Variants in ZNF626 observed in about 807,000 individuals in gnomAD.
ZNF626 encodes zinc finger protein 626.
ZNF626 carries 4 observed loss-of-function variants against 11.7 expected under a neutral mutation model. The ratio of observed to expected loss-of-function variants is 0.34; its 90% confidence interval spans 0.17 to 0.78. The LOEUF (loss-of-function observed/expected upper bound fraction) is 0.78. ZNF626 is among the 30% of genes least tolerant of loss of function. The pLI is 0.57. For missense variants in ZNF626, 588 were observed against 587.1 expected, an observed-to-expected ratio of 1.00 and a Z score of -0.01; for synonymous variants, 179 against 198.6, an observed-to-expected ratio of 0.90 and a Z score of 0.83.
At chr19:20,639,704 T>G (rs1970003183) in intron 3 of ZNF626, among the ~76,000 whole-genome samples, 1 of 152,226 alleles carries the variant, frequency 6.6e-6, no homozygotes, top group South Asian at 2.1e-4. Context: ...GCCACTGCAC[T>G]TCACACGAGG....
chr19:20,653,409 G>A (rs1365354520), intron 1 of ZNF626, among the ~76,000 whole-genome samples: 2 of 152,118 alleles, frequency 1.3e-5, no homozygotes, highest in African/African-American at 4.8e-5. Context: ...AGAATTTCCA[G>A]CACCATGTCA....
intron 3 of ZNF626, among the ~76,000 whole-genome samples, chr19:20,628,433 C>T (rs1297268908): frequency 2.0e-5 from 3 of 152,152 alleles, no homozygotes; most frequent in South Asian, 4.1e-4. Context: ...ACATCCTCTC[C>T]AGCACCTGTT....
chr19:20,630,513 T>C (rs1242332345), intron 3 of ZNF626, among the ~76,000 whole-genome samples: 2 of 152,316 alleles, frequency 1.3e-5, no homozygotes, highest in East Asian at 3.9e-4. Flanking sequence ...CTTGGGAGGA[T>C]GTATGTGTCG....
intron 3 of ZNF626, among the ~76,000 whole-genome samples, chr19:20,636,245 A>C (rs2144775029): frequency 6.6e-6 from 1 of 152,366 alleles, no homozygotes; most frequent in South Asian, 2.1e-4. Flanking sequence ...AAAGAAACAC[A>C]GAAACAATTA....
chr19:20,624,012 T>C lies in ZNF626; in HGVS notation c.*278A>G, dbSNP rs1423001398. 6.5e-6 allele frequency: 4 copies of C among 617,268 alleles called. No individual in the cohort carries two copies. The highest frequency in any genetic ancestry group is 1.2e-5 in the Non-Finnish European group (4 of 342,686). 38.2% of individuals were successfully genotyped at this position (617,268 alleles called of 1,614,324 possible). On this transcript the variant is annotated 3_prime_UTR_variant, in exon 4 of 4. Coordinates refer to ENST00000601440, the MANE Select transcript of ZNF626 (RefSeq NM_001076675.3). The stretch of plus-strand genomic sequence containing the variant: ...TAAAAGATTTTCCCCATTCATCACA[T>C]TCACATGGTTTCTCTCCAGTATGAA...
At chr19:20,648,993 AT>A (rs1275959665) in intron 1 of ZNF626, among the ~76,000 whole-genome samples, 2 of 152,220 alleles carry the variant, frequency 1.3e-5, no homozygotes, top group Non-Finnish European at 2.9e-5. Flanking sequence ...AGCCAAACTC[AT>A]TAGGGAGGAA....
intron 3 of ZNF626, chr19:20,645,466 T>C (rs377456401): frequency 5.0e-6 from 8 of 1,609,574 alleles, no homozygotes; most frequent in Admixed American, 1.7e-5. Context: ...AAAAGGAAAA[T>C]CCTTAGAGAA....
Position 20,630,086 on chromosome 19 carries a change from G to C in ZNF626, c.227-4436C>G, listed in dbSNP as rs190525233. ...GTTTATATGCTGGAGTATGTTTATT[G>C]ATTTGCGTATGTCGAACCAGCCTTG... On this transcript the variant is annotated intron_variant, in intron 3 of 3. Transcript: ENST00000601440. 4.1e-4 allele frequency among the ~76,000 whole-genome samples: 63 copies of C among 152,282 alleles called. 2 individuals carry two copies. In the East Asian group the frequency reaches 9.6e-3, roughly 23 times the overall value.
intron 3 of ZNF626, among the ~76,000 whole-genome samples, chr19:20,632,130 G>A (rs1969912652): frequency 6.6e-6 from 1 of 152,180 alleles, no homozygotes; most frequent in African/African-American, 2.4e-5. Flanking sequence ...ACTCTCTTCT[G>A]GCTTGTAGAG....
At chr19:20,626,642 G>A (rs1326929488) in intron 3 of ZNF626, among the ~76,000 whole-genome samples, 1 of 152,186 alleles carries the variant, frequency 6.6e-6, no homozygotes, top group East Asian at 1.9e-4. Flanking sequence ...AGAATTGCTT[G>A]AACCTGGGAG....
intron 3 of ZNF626, among the ~76,000 whole-genome samples, 200 bp from the exon 4 acceptor site, chr19:20,625,850 A>C (rs949448746): frequency 5.4e-5 from 8 of 147,990 alleles, no homozygotes; most frequent in Non-Finnish European, 1.1e-4. Flanking sequence ...AACTTATAAT[A>C]AGTTGTGAAG....
At position 20,624,148 on chromosome 19, in the gene ZNF626, G is replaced by T; in HGVS notation, c.*142C>A. The T allele has an allele frequency of 7.5e-7, 1 of 1,330,768 alleles. No homozygotes were observed. The highest frequency in any genetic ancestry group is 1.1e-6 in the Non-Finnish European group (1 of 924,598). The allele number at this position is 1,330,768 out of a possible 1,614,324, so 82.4% of individuals were successfully genotyped here. On this transcript the variant is annotated 3_prime_UTR_variant, in exon 4 of 4. Transcript: ENST00000601440. ...TCTCTTATGTGTAGTAAGTTTAGAGGAGTGCTTAAAGGCTTTGCCACATTC... is the reference window on the plus strand; with the variant it reads ...TCTCTTATGTGTAGTAAGTTTAGAGTAGTGCTTAAAGGCTTTGCCACATTC...
intron 3 of ZNF626, chr19:20,645,433 A>C: frequency 1.2e-6 from 2 of 1,611,780 alleles, no homozygotes; most frequent in Non-Finnish European, 1.7e-6. Flanking sequence ...CTCACTGTGA[A>C]CTTGAAGGAA....
At chr19:20,657,148 T>C (rs968985823) in intron 1 of ZNF626, among the ~76,000 whole-genome samples, 11 of 152,026 alleles carry the variant, frequency 7.2e-5, no homozygotes, top group Admixed American at 3.3e-4. Context: ...GGCAGGTGGA[T>C]TGCCTGAGCT....
chr19:20,632,330 G>T (rs1169545013), intron 3 of ZNF626, among the ~76,000 whole-genome samples: 1 of 152,082 alleles, frequency 6.6e-6, no homozygotes, highest in Non-Finnish European at 1.5e-5. Context: ...TTTGAATGTT[G>T]GTCTGCCTTG....
intron 1 of ZNF626, among the ~76,000 whole-genome samples, chr19:20,655,138 A>C (rs1194657776): frequency 6.6e-6 from 1 of 152,104 alleles, no homozygotes; most frequent in African/African-American, 2.4e-5. Flanking sequence ...AATATGGTTT[A>C]ATTTATATGA....
In ZNF626 at chr19:20,625,598, A is replaced by G. The variant is rs1284457469; in HGVS notation, c.279T>C (p.Asp93=). 6.3e-7 allele frequency: 1 copy of G among 1,598,578 alleles called. No individual in the cohort carries two copies. The highest frequency in any genetic ancestry group is 8.5e-7 in the Non-Finnish European group (1 of 1,173,390). The change falls in exon 4 of 4, where the codon GAT becomes GAC. Residue 93 remains aspartate (D), a synonymous_variant. Transcript: ENST00000601440. ...QDLWPEQSMK[D]SFQKVVLRRY... ...TTCTCAGTACCACTTTTTGGAAAGA[A>G]TCTTTCATGCTCTGCTCTGGCCAAA... is the stretch of plus-strand genomic sequence containing the variant.
At chr19:20,659,635 C>T (rs1006434681) in intron 1 of ZNF626, among the ~76,000 whole-genome samples, 1 of 151,906 alleles carries the variant, frequency 6.6e-6, no homozygotes, top group African/African-American at 2.4e-5. Flanking sequence ...AGGAGAAAAG[C>T]CCTTTTCTGC....
rs1398477154 is a variant in ZNF626 at position 20,622,903 on chromosome 19, T to A, written c.*1387A>T. On this transcript the variant is annotated 3_prime_UTR_variant, in exon 4 of 4. Transcript: ENST00000601440. ...CTCTGCTGTTTTCTAAGCTGTAGTT[T>A]TTTTTTTTTAAAGTGTTTCCAAATT... 4.6e-5 allele frequency: 7 copies of A among 151,974 alleles called. No individual in the cohort carries two copies. Among genetic ancestry groups the A allele is most frequent in the Non-Finnish European group, 1.0e-4 (7 of 67,978 alleles). The allele number at this position is 151,974 out of a possible 1,614,324, so 9.4% of individuals were successfully genotyped here.
Sources: allele counts gnomAD v4.1 joint callset (sites outside exome capture counted in the v4.1 genomes callset), GRCh38; gene constraint gnomAD v4.1.1; transcripts MANE v1.5; gene names NCBI Gene and HGNC (gene_info 2026-07-23, HGNC 2026-07-21).